ATP1A2: variants seen among roughly 807,000 people sequenced by gnomAD.
The protein encoded by ATP1A2 is sodium/potassium-transporting ATPase subunit alpha-2.
Under a neutral mutation model 113.1 loss-of-function variants are expected in ATP1A2, and 56 were observed. That is an observed-to-expected ratio of 0.49 (90% CI 0.40 to 0.62). ATP1A2 has a LOEUF of 0.62. Ranked by LOEUF, ATP1A2 falls within the 20% of genes least tolerant of loss-of-function variation. The pLI is 0.00. For missense variants in ATP1A2, 712 were observed against 1,357.8 expected (o/e 0.52, Z 7.47); for synonymous variants, 490 against 526.8 (o/e 0.93, Z 0.96).
chr1:160,123,078 T>A (rs1257435644), intron 3 of ATP1A2, 135 bp from the exon 4 acceptor site: 1 of 987,346 alleles, frequency 1.0e-6, no homozygotes, highest in Admixed American at 2.0e-5. Context: ...CTCCTGATGG[T>A]CCCCCACCCC....
intron 7 of ATP1A2, chr1:160,125,527 G>A: frequency 2.1e-6 from 1 of 486,096 alleles, no homozygotes; most frequent in Non-Finnish European, 3.8e-6. Flanking sequence ...TTCAGGTATT[G>A]GGTTAAGAAC....
Position 160,128,663 on chromosome 1 carries a change from C to T in ATP1A2, c.1029C>T (p.Thr343=), listed in dbSNP as rs140363699. The T allele has an allele frequency of 1.7e-5, 28 of 1,613,976 alleles. No individual in the cohort carries two copies. The highest frequency in any genetic ancestry group is 2.4e-5 in the Non-Finnish European group (28 of 1,180,034). ...GLLATVTVCL[T]LTAKRMARKN... is the part of the protein sequence containing the mutation. ...TCTTTCTCTACCAGGTGTGCCTGACCCTGACAGCCAAGCGCATGGCACGGA... is the reference window on the plus strand; with the variant it reads ...TCTTTCTCTACCAGGTGTGCCTGACTCTGACAGCCAAGCGCATGGCACGGA... The change falls in exon 9 of 23, where the codon ACC becomes ACT. Residue 343 remains threonine (T), a synonymous_variant. Coordinates refer to ENST00000361216, the MANE Select transcript of ATP1A2 (RefSeq NM_000702.4).
intron 7 of ATP1A2, among the ~76,000 whole-genome samples, chr1:160,126,572 C>T (rs532392110): frequency 2.6e-5 from 4 of 152,092 alleles, no homozygotes; most frequent in East Asian, 1.9e-4. Flanking sequence ...CAGGCTCAAG[C>T]GATCTCCCAC....
intron 8 of ATP1A2, chr1:160,128,326 C>T (rs536036475): frequency 2.6e-5 from 15 of 577,982 alleles, no homozygotes; most frequent in African/African-American, 2.6e-4. Flanking sequence ...GTTCTTCCTA[C>T]ACCCTGAGCA....
rs764618541 is a variant in ATP1A2 at position 160,140,003 on chromosome 1, C to G, written c.3034+19C>G. ...CCTGGTGGTAAGCCCCTCCACATTC[C>G]CCCCAGCAAAGTGCAAGCCCCACCA... On this transcript the variant is annotated intron_variant, in intron 22 of 22. Coordinates refer to ENST00000361216, the MANE Select transcript of ATP1A2 (RefSeq NM_000702.4). 9 of 1,611,342 alleles carry G rather than the reference C, an allele frequency of 5.6e-6. No individual in the cohort carries two copies. The South Asian group carries it at 8.8e-5, about 16-fold the overall frequency.
At position 160,127,602 on chromosome 1, in the gene ATP1A2, C is replaced by T. The variant is rs1399834873; in HGVS notation, c.799C>T (p.Arg267Cys). The T allele has an allele frequency of 1.2e-6, 2 of 1,614,218 alleles. No homozygotes were observed. The highest frequency in any genetic ancestry group is 8.5e-7 in the Non-Finnish European group (1 of 1,180,042). Residue 267 changes from arginine (R) to cysteine (C), a missense_variant, in exon 8 of 23, where the codon CGC (arginine) becomes TGC (cysteine). This residue lies in a region of ATP1A2 where 99 missense variants were observed against 180.4 expected (regional missense o/e 0.55). Coordinates refer to ENST00000361216, the MANE Select transcript of ATP1A2 (RefSeq NM_000702.4). ...CACAGGAGACCGGACGGTGATGGGC[C>T]GCATAGCTACTCTCGCCTCAGGCCT... ...IATGDRTVMG[R>C]IATLASGLEV...
At chr1:160,132,925 C>G (rs1192248392) in intron 13 of ATP1A2, among the ~76,000 whole-genome samples, 1 of 152,154 alleles carries the variant, frequency 6.6e-6, no homozygotes, top group Admixed American at 6.5e-5. Flanking sequence ...CAAGAGGAAC[C>G]AGTGAGGAGG....
At position 160,116,778 on chromosome 1, in the gene ATP1A2, G is replaced by A. The variant is rs1651199709; in HGVS notation, c.12+905G>A. On this transcript the variant is annotated intron_variant, in intron 1 of 22. Transcript: ENST00000361216. ...ATGCTGCGGAACAGGAGGGTATGAG[G>A]AAGACTGTGCCTAGGGGGAGCCGTG... Among the ~76,000 whole-genome samples the A allele has an allele frequency of 1.3e-5, 2 of 152,154 alleles. 1 individual carries two copies. Among genetic ancestry groups the A allele is most frequent in the Admixed American group, 1.3e-4 (2 of 15,284 alleles).
At chr1:160,136,125 T>C (rs1009492137) in intron 17 of ATP1A2, 122 bp from the exon 18 acceptor site, 2 of 1,599,064 alleles carry the variant, frequency 1.3e-6, no homozygotes, top group Non-Finnish European at 1.7e-6. Context: ...TGGAAGACAA[T>C]GGGGTCTGAA....
At chr1:160,115,964 G>A (rs146635406) in intron 1 of ATP1A2, 91 bp downstream of exon 1, 414 of 1,538,946 alleles carry the variant, frequency 2.7e-4, no homozygotes, top group Non-Finnish European at 3.4e-4. Flanking sequence ...TGGAAGGAGC[G>A]GGAGAGAGGA....
chr1:160,136,779 G>A, intron 19 of ATP1A2, 64 bp downstream of exon 19: 1 of 1,614,134 alleles, frequency 6.2e-7, no homozygotes, highest in South Asian at 1.1e-5. Context: ...ATGCCTGGCA[G>A]GAGTGGCCAG....
Position 160,136,359 on chromosome 1 carries a change from A to G in ATP1A2, c.2552A>G (p.Tyr851Cys). Residue 851 changes from tyrosine to cysteine, a missense_variant, in exon 18 of 23, where the codon TAC (tyrosine) becomes TGC (cysteine). Physicochemically the swap from Tyr to Cys is radical, Grantham distance 194. Around this residue, in one of 6 missense-constraint regions of ATP1A2, gnomAD observed 188 missense variants for 438.9 expected, o/e 0.43. Coordinates refer to ENST00000361216, the MANE Select transcript of ATP1A2 (RefSeq NM_000702.4). ...LVNERLISMA[Y>C]GQIGMIQALG... ...AATGAGAGGCTCATCAGCATGGCCT[A>G]CGGACAGATCGGTGCGCCAAGCCCC... is the stretch of plus-strand genomic sequence containing the variant. The G allele has an allele frequency of 6.2e-7, 1 of 1,614,148 alleles. No homozygotes were observed. The highest frequency in any genetic ancestry group is 8.5e-7 in the Non-Finnish European group (1 of 1,180,040).
At chr1:160,138,311 CA>C (rs1371835025) in intron 20 of ATP1A2, among the ~76,000 whole-genome samples, 3 of 152,214 alleles carry the variant, frequency 2.0e-5, no homozygotes, top group Non-Finnish European at 4.4e-5. Flanking sequence ...AGGCAAAAGC[CA>C]AGAGCGCATA....
chr1:160,132,401 G>A (rs1306509774), intron 13 of ATP1A2, among the ~76,000 whole-genome samples: 3 of 152,256 alleles, frequency 2.0e-5, no homozygotes, highest in Admixed American at 6.5e-5. Context: ...AGGAGGGACT[G>A]GATTTGGGGA....
In ATP1A2 at chr1:160,141,623, C is replaced by T. The variant is rs1288139182; in HGVS notation, c.*301C>T. 4 of 447,504 alleles carry T rather than the reference C, an allele frequency of 8.9e-6. No individual in the cohort carries two copies. Among genetic ancestry groups the T allele is most frequent in the Non-Finnish European group, 8.3e-6 (2 of 240,216 alleles). 27.7% of individuals were successfully genotyped at this position (447,504 alleles called of 1,614,324 possible). A position where few individuals can be genotyped will look rare whatever the true frequency, so the allele number is the denominator to read the frequency against. On this transcript the variant is annotated 3_prime_UTR_variant, in exon 23 of 23. Transcript: ENST00000361216. ...AGGAATTAAGGGTTACCCCACCCTG[C>T]CCACTCCCATCCCTTCAACCCCACT...
chr1:160,142,814 A>T lies in ATP1A2; in HGVS notation c.*1492A>T, dbSNP rs1281933085. 1 of 152,282 alleles carries T rather than the reference A, an allele frequency of 6.6e-6. No individual in the cohort carries two copies. Among genetic ancestry groups the T allele is most frequent in the Non-Finnish European group, 1.5e-5 (1 of 68,104 alleles). The allele number at this position is 152,282 out of a possible 1,614,324, so 9.4% of individuals were successfully genotyped here. ...GGTGAGACTCCATCTCAAAAAAAAAAAAAATGATTTGCTTTTGACGTCTTA... is the reference window on the plus strand; with the variant it reads ...GGTGAGACTCCATCTCAAAAAAAAATAAAATGATTTGCTTTTGACGTCTTA... On this transcript the variant is annotated 3_prime_UTR_variant, in exon 23 of 23. Transcript: ENST00000361216.
chr1:160,137,073 G>A (rs568972836), intron 20 of ATP1A2, 42 bp downstream of exon 20: 1 of 1,613,478 alleles, frequency 6.2e-7, no homozygotes, highest in Admixed American at 1.7e-5. Context: ...CCAGGCTCTG[G>A]GCACACTCAC....
At chr1:160,128,515 A>G in intron 8 of ATP1A2, 137 bp from the exon 9 acceptor site, 1 of 1,547,188 alleles carries the variant, frequency 6.5e-7, no homozygotes, top group Non-Finnish European at 8.7e-7. Context: ...AACATTCATT[A>G]TTTACAGCTA....
Position 160,124,317 on chromosome 1 carries a change from G to T in ATP1A2, c.517G>T (p.Gly173Ter). Reference protein sequence around the residue: ...VPQQALVIREGEKMQINAEEV... With the variant: ...VPQQALVIRE Reference sequence around the variant, plus strand: ...ACAGCAAGCCCTTGTGATCCGGGAGGGAGAGAAGATGCAGATCAACGCAGA... The same window carrying T: ...ACAGCAAGCCCTTGTGATCCGGGAGTGAGAGAAGATGCAGATCAACGCAGA... The change falls in exon 6 of 23, where the codon GGA becomes TGA. Residue 173 changes from glycine to a stop codon, truncating the protein, a stop_gained. Transcript: ENST00000361216. LOFTEE classifies it high-confidence loss of function. 6.2e-7 allele frequency: 1 copy of T among 1,608,816 alleles called. No homozygotes were observed. The highest frequency in any genetic ancestry group is 2.2e-5 in the East Asian group (1 of 44,698).
Sources: gnomAD v4.1 joint callset for allele counts (sites outside exome capture counted in the v4.1 genomes callset) on GRCh38, gnomAD v4.1.1 for gene constraint, gnomAD v4.1.1 regional missense constraint, MANE v1.5 for transcripts, NCBI Gene and HGNC (gene_info 2026-07-23, HGNC 2026-07-21) for gene names.